Variants in GSTO2 observed in about 807,000 individuals in gnomAD.
GSTO2 encodes the protein glutathione S-transferase omega-2.
Under a neutral mutation model 28.4 loss-of-function variants are expected in GSTO2, and 23 were observed. The ratio of observed to expected loss-of-function variants is 0.81; its 90% CI spans 0.58 to 1.15. The LOEUF is 1.15. GSTO2 is among the 50% of genes most tolerant of loss of function. GSTO2 has a pLI of 0.00. For synonymous variants in GSTO2, 109 were observed against 111.0 expected, an observed-to-expected ratio of 0.98 and a Z score of 0.11; for missense variants, 298 against 297.8, an observed-to-expected ratio of 1.00 and a Z score of 0.00.
rs779243304 is a variant in GSTO2, at chr10:104,302,653, C to T, written c.*3369C>T. On this transcript the variant is annotated 3_prime_UTR_variant, in exon 7 of 7. Transcript: ENST00000338595. ...CAAATTTCGTGTTGAAATGTAATCC[C>T]CAATGCTGGTGGGAGGTGATTGGAT... 8 of 152,212 alleles carry T rather than the reference C, an allele frequency of 5.3e-5. No homozygotes were observed. The highest frequency in any genetic ancestry group is 7.3e-5 in the Non-Finnish European group (5 of 68,058). 9.4% of individuals were successfully genotyped at this position (152,212 alleles called of 1,614,324 possible).
chr10:104,279,402 GTT>G lies in GSTO2; in HGVS notation c.400_401del (p.Leu134GlufsTer8). On this transcript the variant is annotated frameshift_variant, in exon 5 of 7. Transcript: ENST00000338595. LOFTEE classifies it high-confidence loss of function. Reference protein sequence around the residue: ...PHLTKECLVALRCGRECTNLK... With the variant: ...PHLTKECLVAXRCGRECTNLK... ...ATTTGACCAAGGAGTGCCTGGTAGC[GTT>G]GAGATGTGGGAGAGAATGCACTAAT... 1 of 1,614,042 alleles carries G rather than the reference GTT, an allele frequency of 6.2e-7. No individual in the cohort carries two copies. Among genetic ancestry groups the G allele is most frequent in the South Asian group, 1.1e-5 (1 of 91,078 alleles).
At chr10:104,286,216 A>G (rs1004175002) in intron 5 of GSTO2, among the ~76,000 whole-genome samples, 1 of 151,920 alleles carries the variant, frequency 6.6e-6, no homozygotes, top group Non-Finnish European at 1.5e-5. Context: ...TTTTTTTATC[A>G]TCCCCCAGAA....
intron 1 of GSTO2, among the ~76,000 whole-genome samples, chr10:104,272,980 A>G (rs1288738142): frequency 6.6e-6 from 1 of 152,064 alleles, no homozygotes; most frequent in Non-Finnish European, 1.5e-5. Flanking sequence ...TATTAGTAAT[A>G]ATTTATTTTG....
chr10:104,273,381 T>C (rs897775472), intron 1 of GSTO2, among the ~76,000 whole-genome samples: 1 of 152,278 alleles, frequency 6.6e-6, no homozygotes, highest in Non-Finnish European at 1.5e-5. Context: ...AAAATGTTAA[T>C]ACTTTCCATA....
intron 1 of GSTO2, among the ~76,000 whole-genome samples, chr10:104,269,879 G>A (rs773385098): frequency 4.6e-5 from 7 of 152,174 alleles, no homozygotes; most frequent in South Asian, 4.1e-4. Context: ...TTTGCCCAAG[G>A]TCACCCAGCT....
At chr10:104,276,999 A>G (rs2011668765) in intron 3 of GSTO2, among the ~76,000 whole-genome samples, 1 of 152,194 alleles carries the variant, frequency 6.6e-6, no homozygotes, top group Non-Finnish European at 1.5e-5. Context: ...TGTCCTAAAC[A>G]CTTTATACAT....
At position 104,274,827 on chromosome 10, in the gene GSTO2, C is replaced by T. The variant is rs1401202336; in HGVS notation, c.-89C>T. ...TTGGGGCAAGGGGTGCGCGCCAGAG[C>T]GCAGCTGTTTCTGGAGCCTGCGGCA... On this transcript the variant is annotated 5_prime_UTR_variant, in exon 2 of 7. Coordinates refer to ENST00000338595, the MANE Select transcript of GSTO2 (RefSeq NM_183239.2). 7.4e-6 allele frequency: 11 copies of T among 1,485,696 alleles called. No homozygotes were observed. Among genetic ancestry groups the T allele is most frequent in the Non-Finnish European group, 1.0e-5 (11 of 1,084,412 alleles). 92.0% of individuals were successfully genotyped at this position (1,485,696 alleles called of 1,614,324 possible). A position where few individuals can be genotyped will look rare whatever the true frequency, so the allele number is the denominator to read the frequency against.
intron 1 of GSTO2, among the ~76,000 whole-genome samples, chr10:104,269,930 C>G (rs1564840429): frequency 6.6e-6 from 1 of 152,042 alleles, no homozygotes; most frequent in African/African-American, 2.4e-5. Context: ...TGAACTCTTA[C>G]AGTAAGACCG....
intron 5 of GSTO2, among the ~76,000 whole-genome samples, chr10:104,284,210 A>G (rs2012271299): frequency 6.6e-6 from 1 of 152,094 alleles, no homozygotes; most frequent in East Asian, 1.9e-4. Flanking sequence ...AAATACAAAA[A>G]TTAGTTGGAT....
chr10:104,276,967 T>C (rs1476285993), intron 3 of GSTO2, among the ~76,000 whole-genome samples: 1 of 152,192 alleles, frequency 6.6e-6, no homozygotes, highest in Non-Finnish European at 1.5e-5. Context: ...AAAAAGTTAT[T>C]GCATGCTTAT....
Position 104,299,210 on chromosome 10 carries a change from A to T in GSTO2, c.658A>T (p.Lys220Ter). 1.2e-6 allele frequency: 2 copies of T among 1,614,182 alleles called. No individual in the cohort carries two copies. Among genetic ancestry groups the T allele is most frequent in the South Asian group, 2.2e-5 (2 of 91,076 alleles). ...DPTVCALLMD[K>*]SIFQGFLNLY... The stretch of plus-strand genomic sequence containing the variant: ...CACAGTCTGTGCTCTTCTCATGGAT[A>T]AGAGCATTTTCCAGGGCTTCTTGAA... Residue 220 changes from lysine to a stop codon, truncating the protein, a stop_gained, in exon 7 of 7, where the codon AAG becomes TAG. Transcript: ENST00000338595. LOFTEE classifies it high-confidence loss of function.
Position 104,277,903 on chromosome 10 carries a change from G to T in GSTO2, c.153G>T (p.Val51=), listed in dbSNP as rs770791064. ...VLKAKDIRHE[V]VNINLRNKPE... is the part of the protein sequence containing the mutation. ...CCTTTTGCTTTTTAAGACATGAAGT[G>T]GTCAACATTAACCTGAGAAACAAGC... The change falls in exon 4 of 7, where the codon GTG becomes GTT. Residue 51 remains valine, a synonymous_variant. Transcript: ENST00000338595. 1.6e-5 allele frequency: 26 copies of T among 1,611,962 alleles called. No individual in the cohort carries two copies. The highest frequency in any genetic ancestry group is 1.3e-4 in the East Asian group (6 of 44,866).
chr10:104,293,966 C>T (rs777510144), intron 5 of GSTO2, among the ~76,000 whole-genome samples: 5 of 152,120 alleles, frequency 3.3e-5, no homozygotes, highest in African/African-American at 1.2e-4. Context: ...GGGTTTCCTC[C>T]TCTGCACAGC....
intron 1 of GSTO2, among the ~76,000 whole-genome samples, chr10:104,269,899 T>C (rs1044228681): frequency 6.6e-6 from 1 of 152,238 alleles, no homozygotes; most frequent in African/African-American, 2.4e-5. Flanking sequence ...TAATAAATAT[T>C]GAAGAGATTC....
intron 4 of GSTO2, among the ~76,000 whole-genome samples, chr10:104,278,948 T>C (rs940988179): frequency 1.3e-5 from 2 of 152,218 alleles, no homozygotes; most frequent in African/African-American, 4.8e-5. Context: ...CTGACATATA[T>C]CGAACACTTA....
At chr10:104,298,517 T>C (rs1396249694) in intron 6 of GSTO2, among the ~76,000 whole-genome samples, 2 of 152,334 alleles carry the variant, frequency 1.3e-5, no homozygotes, top group East Asian at 3.9e-4. Flanking sequence ...AGACAGAGCA[T>C]GGAGTCACAG....
intron 6 of GSTO2, among the ~76,000 whole-genome samples, chr10:104,298,560 C>T (rs958373173): frequency 6.6e-5 from 10 of 152,308 alleles, no homozygotes; most frequent in South Asian, 2.1e-4. Flanking sequence ...CCTGGATTCC[C>T]GACAACCCAT....
At chr10:104,280,900 T>C (rs1220747290) in intron 5 of GSTO2, among the ~76,000 whole-genome samples, 1 of 152,230 alleles carries the variant, frequency 6.6e-6, no homozygotes, top group Non-Finnish European at 1.5e-5. Flanking sequence ...TAAGTATTTA[T>C]GGATGACGAA....
In GSTO2 at chr10:104,297,637, C is replaced by T. The variant is rs772418767; in HGVS notation, c.528C>T (p.Tyr176=). Residue 176 remains tyrosine (Y), a synonymous_variant, in exon 6 of 7, where the codon TAC becomes TAT. Transcript: ENST00000338595. Reference sequence around the variant, plus strand: ...GAACCTGTATATCCATGATTGATTACCTCCTCTGGCCCTGGTTTGAGCGGC... The same window carrying T: ...GAACCTGTATATCCATGATTGATTATCTCCTCTGGCCCTGGTTTGAGCGGC... ...FGGTCISMID[Y]LLWPWFERLD... is the part of the protein sequence containing the mutation. 1 of 1,613,770 alleles carries T rather than the reference C, an allele frequency of 6.2e-7. No homozygotes were observed. Among genetic ancestry groups the T allele is most frequent in the Non-Finnish European group, 8.5e-7 (1 of 1,179,736 alleles).
Sources: gnomAD v4.1 joint callset for allele counts (sites outside exome capture counted in the v4.1 genomes callset) on GRCh38, gnomAD v4.1.1 for gene constraint, MANE v1.5 for transcripts, NCBI Gene and HGNC (gene_info 2026-07-23, HGNC 2026-07-21) for gene names.